Variants in ARL10 observed in about 807,000 individuals in gnomAD.
ARL10 encodes the protein ARF like GTPase 10.
In ARL10, 23 loss-of-function variants were observed where a neutral mutation model predicts 26.1. The observed-to-expected ratio is 0.88, with a 90% confidence interval of 0.63 to 1.25. ARL10 has a LOEUF of 1.25. Ranked by LOEUF, ARL10 falls within the 50% of genes most tolerant of loss-of-function variation. ARL10 has a pLI of 0.00. For synonymous variants in ARL10, 138 were observed against 149.1 expected (o/e 0.93, Z 0.54); for missense variants, 300 against 323.6 (o/e 0.93, Z 0.56).
chr5:176,411,961 A>C, the ARL10 span, among the ~76,000 whole-genome samples: 3 of 151,726 alleles, frequency 2.0e-5, no homozygotes, highest in Non-Finnish European at 2.9e-5. Flanking sequence ...CAGATCACGA[A>C]GTCAGGAGAT....
At position 176,372,164 on chromosome 5, in the gene ARL10, C is replaced by A; in HGVS notation, c.*269C>A. 8.6e-7 allele frequency: 1 copy of A among 1,169,182 alleles called. No homozygotes were observed. The highest frequency in any genetic ancestry group is 1.1e-6 in the Non-Finnish European group (1 of 889,788). The allele number at this position is 1,169,182 out of a possible 1,614,324, so 72.4% of individuals were successfully genotyped here. A position where few individuals can be genotyped will look rare whatever the true frequency, so the allele number is the denominator to read the frequency against. On this transcript the variant is annotated 3_prime_UTR_variant, in exon 4 of 4. Coordinates refer to ENST00000310389, the MANE Select transcript of ARL10 (RefSeq NM_173664.6). ...ATTCCAGGCTGGAATGTGGATCCAGCTTTCCCTTCTCTTACCTGTACAGTG... is the reference window on the plus strand; with the variant it reads ...ATTCCAGGCTGGAATGTGGATCCAGATTTCCCTTCTCTTACCTGTACAGTG...
chr5:176,384,125 G>C (rs779280873), downstream of ARL10: 2 of 1,611,170 alleles, frequency 1.2e-6, no homozygotes, highest in African/African-American at 2.7e-5. Context: ...CATGGGACCT[G>C]GCCAGCTCCT....
intron 1 of ARL10, chr5:176,397,938 T>C: frequency 6.2e-7 from 1 of 1,613,784 alleles, no homozygotes; most frequent in Non-Finnish European, 8.5e-7. Context: ...ACCCAGCTCT[T>C]GCAGCCGTTT....
chr5:176,400,932 G>C (rs1259163435), intron 1 of ARL10, among the ~76,000 whole-genome samples: 1 of 152,120 alleles, frequency 6.6e-6, no homozygotes, highest in Non-Finnish European at 1.5e-5. Context: ...GAACATCAGG[G>C]CTACAGTCTC....
At position 176,368,473 on chromosome 5, in the gene ARL10, G is replaced by C. The variant is rs994724340; in HGVS notation, c.386-334G>C. Among the ~76,000 whole-genome samples the C allele has an allele frequency of 2.0e-5, 3 of 152,078 alleles. No individual in the cohort carries two copies. The highest frequency in any genetic ancestry group is 2.0e-4 in the Admixed American group (3 of 15,278). On this transcript the variant is annotated intron_variant, in intron 2 of 3. Transcript: ENST00000310389. The surrounding 1 kb of genome is among the most constrained non-coding windows in gnomAD (Gnocchi z 4.1). ...GTCCCGTGAAAGGTACATCGCACGT[G>C]GTACCTGTGGGTTTTACTGCAACAA...
the ARL10 span, among the ~76,000 whole-genome samples, chr5:176,414,224 C>T: frequency 6.6e-6 from 1 of 152,174 alleles, no homozygotes; most frequent in Non-Finnish European, 1.5e-5. Flanking sequence ...AAAGGGTGGT[C>T]TCACAGAGGT....
At chr5:176,370,186 C>T (rs572870115) in intron 3 of ARL10, among the ~76,000 whole-genome samples, 5 of 152,304 alleles carry the variant, frequency 3.3e-5, no homozygotes, top group African/African-American at 9.6e-5. Flanking sequence ...CTAAATACCT[C>T]GTGATAGGCC....
Position 176,397,866 on chromosome 5 carries a change from G to A in ARL10, c.134-3875G>A. The A allele has an allele frequency of 1.0e-5, 15 of 1,496,442 alleles. 1 individual carries two copies. The highest frequency in any genetic ancestry group is 1.8e-4 in the Middle Eastern group (1 of 5,624). 92.7% of individuals were successfully genotyped at this position (1,496,442 alleles called of 1,614,324 possible). A position where few individuals can be genotyped will look rare whatever the true frequency, so the allele number is the denominator to read the frequency against. On this transcript the variant is annotated intron_variant, in intron 1 of 1. Coordinates refer to the ARL10 transcript ENST00000514533. Reference sequence around the variant, plus strand: ...CATGCAGCATCCCATGCACTCCGAGGACTCCCCACACTCCACCCCACACAC... The same window carrying A: ...CATGCAGCATCCCATGCACTCCGAGAACTCCCCACACTCCACCCCACACAC...
rs1768614765 is a variant in ARL10 at position 176,373,728 on chromosome 5, T to C, written c.*1833T>C. On this transcript the variant is annotated 3_prime_UTR_variant, in exon 4 of 4. Coordinates refer to ENST00000310389, the MANE Select transcript of ARL10 (RefSeq NM_173664.6). Reference sequence around the variant, plus strand: ...GTAAGAAGTGATTTATGGGCTTTTATGTAAAATTTTAAGAATGACTTGGGT... The same window carrying C: ...GTAAGAAGTGATTTATGGGCTTTTACGTAAAATTTTAAGAATGACTTGGGT... 6.6e-6 allele frequency: 1 copy of C among 152,250 alleles called. No homozygotes were observed. Among genetic ancestry groups the C allele is most frequent in the Non-Finnish European group, 1.5e-5 (1 of 68,044 alleles). The allele number at this position is 152,250 out of a possible 1,614,324, so 9.4% of individuals were successfully genotyped here.
downstream of ARL10, chr5:176,405,540 G>C (rs1165379088): frequency 6.6e-6 from 1 of 150,766 alleles, no homozygotes; most frequent in African/African-American, 2.5e-5. Context: ...AAAAAAGAGA[G>C]CTCTTTGGAG....
chr5:176,400,883 G>A (rs955585651), intron 1 of ARL10, among the ~76,000 whole-genome samples: 26 of 152,174 alleles, frequency 1.7e-4, no homozygotes, highest in African/African-American at 3.9e-4. Flanking sequence ...GCAGGCACCC[G>A]GTTCAAGGAG....
Position 176,379,901 on chromosome 5 carries a change from T to C in ARL10, c.*8006T>C, listed in dbSNP as rs948511378. The C allele has an allele frequency of 3.3e-5, 5 of 152,240 alleles. No homozygotes were observed. The highest frequency in any genetic ancestry group is 4.8e-5 in the African/African-American group (2 of 41,468). 9.4% of individuals were successfully genotyped at this position (152,240 alleles called of 1,614,324 possible). On this transcript the variant is annotated 3_prime_UTR_variant, in exon 4 of 4. Coordinates refer to ENST00000310389, the MANE Select transcript of ARL10 (RefSeq NM_173664.6). ...GCTTCACCAGTATCATGTGAATAAA[T>C]TGGTAAAGATTAGAGAGTCCTGAAT...
In ARL10 at chr5:176,377,179, G is replaced by A. The variant is rs895191628; in HGVS notation, c.*5284G>A. The A allele has an allele frequency of 6.6e-6, 1 of 152,168 alleles. No homozygotes were observed. The highest frequency in any genetic ancestry group is 1.5e-5 in the Non-Finnish European group (1 of 68,010). 9.4% of individuals were successfully genotyped at this position (152,168 alleles called of 1,614,324 possible). On this transcript the variant is annotated 3_prime_UTR_variant, in exon 4 of 4. Coordinates refer to ENST00000310389, the MANE Select transcript of ARL10 (RefSeq NM_173664.6). This position sits in a 1 kb window ranked among gnomAD's most constrained non-coding sequence, Gnocchi z 4.5. ...GCAATGGTTGGCTTTCTTCTTCAGA[G>A]ATCAGAAAAAAATGAAATTCAAAGC...
At chr5:176,389,365 C>T (rs577278819), downstream of ARL10, 5 of 1,614,072 alleles carry the variant, frequency 3.1e-6, no homozygotes, top group African/African-American at 5.3e-5. Flanking sequence ...TCACCTACGG[C>T]CTCTACTCCT....
chr5:176,406,099 A>T (rs1757108979), downstream of ARL10: 1 of 959,876 alleles, frequency 1.0e-6, no homozygotes, highest in African/African-American at 1.8e-5. Context: ...CCCTGTCCCC[A>T]CCCCTACCCT....
chr5:176,413,938 C>A, the ARL10 span, among the ~76,000 whole-genome samples: 1 of 152,184 alleles, frequency 6.6e-6, no homozygotes, highest in Non-Finnish European at 1.5e-5. Context: ...GTCATTGTTT[C>A]TCTCCCTGTC....
At chr5:176,403,115 T>C (rs1440574161), downstream of ARL10, among the ~76,000 whole-genome samples, 1 of 150,434 alleles carries the variant, frequency 6.6e-6, no homozygotes, top group Non-Finnish European at 1.5e-5. Flanking sequence ...AGTGTCAGGA[T>C]CTCGGCTCAC....
At chr5:176,397,577 G>T in intron 1 of ARL10, 1 of 1,091,438 alleles carries the variant, frequency 9.2e-7, no homozygotes. Flanking sequence ...ATGTCCCCAT[G>T]GCCCCCTCAT....
rs1186767358 is a variant in ARL10, at chr5:176,375,320, CCATCCATCCATCCAT to C, written c.*3432_*3446del. 4.6e-4 allele frequency: 25 copies of C among 53,930 alleles called. No individual in the cohort carries two copies. The East Asian group carries it at 5.3e-3, about 12-fold the overall frequency. The allele number at this position is 53,930 out of a possible 1,614,324, so 3.3% of individuals were successfully genotyped here. ...TCCATCCATCCATCCATCCATCCAT[CCATCCATCCATCCAT>C]CATCCACCCATCCATCCATCCATCC... On this transcript the variant is annotated 3_prime_UTR_variant, in exon 4 of 4. Transcript: ENST00000310389.
Sources: gnomAD v4.1 joint callset for allele counts (sites outside exome capture counted in the v4.1 genomes callset) on GRCh38, gnomAD v4.1.1 for gene constraint, Gnocchi (gnomAD v3.1) non-coding constraint, MANE v1.5 for transcripts, NCBI Gene and HGNC (gene_info 2026-07-23, HGNC 2026-07-21) for gene names.